KDM5A: variants seen among roughly 807,000 people sequenced by gnomAD.
KDM5A encodes lysine demethylase 5A.
KDM5A carries 42 observed loss-of-function variants against 193.5 expected under a neutral mutation model. That is an observed-to-expected ratio of 0.22 (90% CI 0.17 to 0.28). The LOEUF is 0.28. Ranked by LOEUF, KDM5A falls within the 10% of genes least tolerant of loss-of-function variation. KDM5A has a pLI of 1.00. For missense variants in KDM5A, 1,692 were observed against 2,055.1 expected (o/e 0.82, Z 3.42); for synonymous variants, 796 against 718.1 (o/e 1.11, Z -1.73).
At chr12:292,563 T>C (rs541812213) in intron 27 of KDM5A, among the ~76,000 whole-genome samples, 196 bp downstream of exon 27, 9 of 152,374 alleles carry the variant, frequency 5.9e-5, no homozygotes, top group Admixed American at 3.3e-4. Flanking sequence ...TATATGATTT[T>C]TGAAATACAA....
chr12:287,271 G>A (rs1310742738), intron 27 of KDM5A, among the ~76,000 whole-genome samples: 1 of 152,156 alleles, frequency 6.6e-6, no homozygotes, highest in Non-Finnish European at 1.5e-5. Flanking sequence ...TATCTGGGGA[G>A]TACAAGCCAG....
At chr12:336,278 G>T (rs1172724763) in intron 10 of KDM5A, among the ~76,000 whole-genome samples, 1 of 150,136 alleles carries the variant, frequency 6.7e-6, no homozygotes, top group Non-Finnish European at 1.5e-5. Context: ...AGGATCCCGT[G>T]AGCCCGGGAG....
intron 10 of KDM5A, among the ~76,000 whole-genome samples, chr12:347,165 G>A (rs146318770): frequency 6.6e-6 from 1 of 152,078 alleles, no homozygotes; most frequent in Non-Finnish European, 1.5e-5. Context: ...ATTCACAATT[G>A]CTACAAAGAG....
chr12:323,237 A>AAAAAAAAAAAAAAAAAAAAAAT, intron 15 of KDM5A, 31 bp from the exon 16 acceptor site: 1 of 1,497,560 alleles, frequency 6.7e-7, no homozygotes, highest in African/African-American at 1.5e-5. Context: ...AAAAAAAAAA[A>AAAAAAAAAAAAAAAAAAAAAAT]AAGAAAACAG....
intron 14 of KDM5A, among the ~76,000 whole-genome samples, chr12:327,595 G>A (rs1943807489): frequency 6.6e-6 from 1 of 152,068 alleles, no homozygotes; most frequent in Non-Finnish European, 1.5e-5. Flanking sequence ...TGTAATCCCA[G>A]CTACTTGGTA....
chr12:299,897 G>C (rs1196349309), intron 24 of KDM5A, among the ~76,000 whole-genome samples: 2 of 148,134 alleles, frequency 1.4e-5, no homozygotes, highest in South Asian at 4.4e-4. Flanking sequence ...TGCAATCCCA[G>C]TCTCTGATAA....
Position 283,810 on chromosome 12 carries a change from A to T in KDM5A, c.*1646T>A, listed in dbSNP as rs200823922. 138 of 217,570 alleles carry T rather than the reference A, an allele frequency of 6.3e-4. No homozygotes were observed. The highest frequency in any genetic ancestry group is 2.9e-3 in the Admixed American group (49 of 16,952). The allele number at this position is 217,570 out of a possible 1,614,324, so 13.5% of individuals were successfully genotyped here. ...TGATGACAAAACACTATTTTTAGTC[A>T]TTTTTTTTTTTGTCCTTTAAAAAAA... On this transcript the variant is annotated 3_prime_UTR_variant, in exon 28 of 28. Transcript: ENST00000399788.
rs553806082 is a variant in KDM5A at position 352,434 on chromosome 12, G to A, written c.1030-110C>T. ...CATTTCCCTAGGTAAAGTAAATCCA[G>A]TCAACCCTAGACAACAAAACAAATA... is the stretch of plus-strand genomic sequence containing the variant. On this transcript the variant is annotated intron_variant, in intron 8 of 27. Transcript: ENST00000399788. 22 of 918,146 alleles carry A rather than the reference G, an allele frequency of 2.4e-5. No homozygotes were observed. In the African/African-American group the frequency reaches 3.5e-4, roughly 14 times the overall value. 56.9% of individuals were successfully genotyped at this position (918,146 alleles called of 1,614,324 possible).
At chr12:352,143 G>A (rs2137451262) in intron 9 of KDM5A, 62 bp downstream of exon 9, 1 of 1,009,326 alleles carries the variant, frequency 9.9e-7, no homozygotes, top group South Asian at 1.4e-5. Context: ...GGAAACTGAA[G>A]GCTTTGTACT....
At chr12:350,566 C>T (rs2137448575) in intron 10 of KDM5A, 55 bp downstream of exon 10, 1 of 1,570,380 alleles carries the variant, frequency 6.4e-7, no homozygotes, top group Non-Finnish European at 8.8e-7. Context: ...AGATAGTTTT[C>T]AATGCAAAAG....
In KDM5A at chr12:313,236, A is replaced by G. The variant is rs1369027980; in HGVS notation, c.2898-42T>C. 1.9e-6 allele frequency: 3 copies of G among 1,605,052 alleles called. No individual in the cohort carries two copies. In the Admixed American group the frequency reaches 5.0e-5, roughly 27 times the overall value. On this transcript the variant is annotated intron_variant, in intron 19 of 27. Coordinates refer to ENST00000399788, the MANE Select transcript of KDM5A (RefSeq NM_001042603.3). ...AACAGAGTAGGATGCATGAGAAATC[A>G]ACATTTAAGTAACATTTCAGAATGT...
intron 3 of KDM5A, among the ~76,000 whole-genome samples, chr12:377,818 A>G (rs57139014): frequency 0.052 from 7,983 of 152,292 alleles, 565 homozygotes; most frequent in East Asian, 0.3. Context: ...AGGAATTTCC[A>G]GACTGACAGG....
In KDM5A at chr12:309,947, G is replaced by A. The variant is rs1392115365; in HGVS notation, c.3234C>T (p.Thr1078=). Residue 1078 remains threonine (T), a synonymous_variant, in exon 22 of 28, where the codon ACC becomes ACT. Transcript: ENST00000399788. ...HTLLQVLSPR[T]DIGVYGSGKN... Reference sequence around the variant, plus strand: ...TGCCACTCCCATATACACCAATGTCGGTCCGGGGGCTCAGCACCTACAAAA... The same window carrying A: ...TGCCACTCCCATATACACCAATGTCAGTCCGGGGGCTCAGCACCTACAAAA... 9 of 1,612,888 alleles carry A rather than the reference G, an allele frequency of 5.6e-6. No individual in the cohort carries two copies. The highest frequency in any genetic ancestry group is 1.7e-4 in the Middle Eastern group (1 of 6,060).
Position 283,413 on chromosome 12 carries a change from T to C in KDM5A, c.*2043A>G, listed in dbSNP as rs1943179276. 1 of 232,944 alleles carries C rather than the reference T, an allele frequency of 4.3e-6. No individual in the cohort carries two copies. Among genetic ancestry groups the C allele is most frequent in the Non-Finnish European group, 8.5e-6 (1 of 117,604 alleles). 14.4% of individuals were successfully genotyped at this position (232,944 alleles called of 1,614,324 possible). On this transcript the variant is annotated 3_prime_UTR_variant, in exon 28 of 28. Coordinates refer to ENST00000399788, the MANE Select transcript of KDM5A (RefSeq NM_001042603.3). ...ACTTCAGATGAGACCTCAAGACATATGCACAGCAACACTAACAAACCTCTG... is the reference window on the plus strand; with the variant it reads ...ACTTCAGATGAGACCTCAAGACATACGCACAGCAACACTAACAAACCTCTG...
chr12:334,213 T>C (rs1208174920), intron 11 of KDM5A, 28 bp downstream of exon 11: 1 of 1,594,676 alleles, frequency 6.3e-7, no homozygotes, highest in Non-Finnish European at 8.6e-7. Flanking sequence ...GTAGAGTTCA[T>C]GCATGCTGTA....
rs78978292 is a variant in KDM5A at position 360,514 on chromosome 12, G to A, written c.672+2449C>T. On this transcript the variant is annotated intron_variant, in intron 5 of 27. Transcript: ENST00000399788. ...GTTAATCTCAATTTCAAGGACAGGA[G>A]TCACCAACCACATTAAACATATACA... Among the ~76,000 whole-genome samples, 799 of 152,202 alleles carry A rather than the reference G, an allele frequency of 5.2e-3. 4 individuals are homozygous for A. The highest frequency in any genetic ancestry group is 0.016 in the African/African-American group (668 of 41,546).
chr12:388,908 T>G lies in KDM5A; in HGVS notation c.165+19A>C, dbSNP rs1381470820. On this transcript the variant is annotated intron_variant, in intron 1 of 27. Coordinates refer to ENST00000399788, the MANE Select transcript of KDM5A (RefSeq NM_001042603.3). The stretch of plus-strand genomic sequence containing the variant: ...CCCCATTCTTCCTTCTCCCCCTCTC[T>G]CTTCACAGACTGAGGTACCTTGGGC... 1 of 1,614,052 alleles carries G rather than the reference T, an allele frequency of 6.2e-7. No homozygotes were observed. The highest frequency in any genetic ancestry group is 2.2e-5 in the East Asian group (1 of 44,882).
chr12:339,209 T>A (rs1015028118), intron 10 of KDM5A, among the ~76,000 whole-genome samples: 2 of 148,594 alleles, frequency 1.3e-5, no homozygotes, highest in Non-Finnish European at 3.0e-5. Context: ...ACCAGAGAGG[T>A]GTGTTACCAG....
chr12:312,501 ATAAC>A (rs1943600918), intron 20 of KDM5A, among the ~76,000 whole-genome samples: 1 of 152,232 alleles, frequency 6.6e-6, no homozygotes, highest in Non-Finnish European at 1.5e-5. Context: ...TAAGAGTTAA[ATAAC>A]TAATTCCATC....
Sources: gnomAD v4.1 joint callset for allele counts (sites outside exome capture counted in the v4.1 genomes callset) on GRCh38, gnomAD v4.1.1 for gene constraint, MANE v1.5 for transcripts, NCBI Gene and HGNC (gene_info 2026-07-23, HGNC 2026-07-21) for gene names.